Variants in ZMIZ1 observed in about 807,000 individuals in gnomAD.
ZMIZ1 encodes the protein zinc finger MIZ domain-containing protein 1.
Under a neutral mutation model 113.9 loss-of-function variants are expected in ZMIZ1, and 17 were observed. The observed-to-expected ratio is 0.15, with a 90% CI of 0.10 to 0.22. The LOEUF is 0.22. Ranked by LOEUF, ZMIZ1 falls within the 10% of genes least tolerant of loss-of-function variation. ZMIZ1 has a pLI of 1.00. For missense variants in ZMIZ1, 1,059 were observed against 1,477.8 expected, an observed-to-expected ratio of 0.72 and a Z score of 4.65; for synonymous variants, 607 against 603.1, an observed-to-expected ratio of 1.01 and a Z score of -0.09.
rs150582401 is a variant in ZMIZ1, at chr10:79,235,132, G to T, written c.280+18858G>T. 6.5e-3 allele frequency among the ~76,000 whole-genome samples: 991 copies of T among 152,356 alleles called. 10 individuals are homozygous for T. The highest frequency in any genetic ancestry group is 0.023 in the African/African-American group (937 of 41,584). ...TTGGATTTCTCCCAGACATTCCTGT[G>T]CAGCCTGTCAGCTCATGTCCAGAGC... On this transcript the variant is annotated intron_variant, in intron 7 of 24. Coordinates refer to ENST00000334512, the MANE Select transcript of ZMIZ1 (RefSeq NM_020338.4).
At chr10:79,085,604 G>A (rs1460203953) in intron 1 of ZMIZ1, among the ~76,000 whole-genome samples, 5 of 152,244 alleles carry the variant, frequency 3.3e-5, no homozygotes, top group Non-Finnish European at 7.3e-5. Context: ...TGGCCACCAG[G>A]AGGGGAGACA....
intron 5 of ZMIZ1, among the ~76,000 whole-genome samples, chr10:79,207,848 C>T (rs1848384584): frequency 3.9e-5 from 6 of 151,926 alleles, no homozygotes; most frequent in Admixed American, 1.3e-4. Context: ...GCTTTGATGG[C>T]GGTGGCTGGG....
chr10:79,110,761 G>C (rs1242284838), intron 1 of ZMIZ1, among the ~76,000 whole-genome samples: 1 of 152,246 alleles, frequency 6.6e-6, no homozygotes, highest in African/African-American at 2.4e-5. Flanking sequence ...CCTGAGCCAG[G>C]TGAGGACTGA....
At chr10:79,198,176 G>A (rs538594370) in intron 4 of ZMIZ1, among the ~76,000 whole-genome samples, 4 of 152,078 alleles carry the variant, frequency 2.6e-5, no homozygotes, top group South Asian at 2.1e-4. Context: ...GGAGAATGGC[G>A]TGAACCCGGG....
At chr10:79,311,301 T>TGGTGGGGGGGGGGGGG in intron 24 of ZMIZ1, 117 bp downstream of exon 24, 1 of 116,960 alleles carries the variant, frequency 8.5e-6, no homozygotes, top group Non-Finnish European at 1.6e-5. Flanking sequence ...GGGTGGGCGG[T>TGGTGGGGGGGGGGGGG]GGGAGGGCTT....
intron 8 of ZMIZ1, among the ~76,000 whole-genome samples, chr10:79,281,075 C>T (rs1246112704): frequency 6.6e-6 from 1 of 152,186 alleles, no homozygotes; most frequent in Non-Finnish European, 1.5e-5. Flanking sequence ...CCCTGCAGCT[C>T]CCCACTAGGG....
intron 7 of ZMIZ1, among the ~76,000 whole-genome samples, chr10:79,236,157 C>G (rs1849579668): frequency 6.6e-6 from 1 of 152,202 alleles, no homozygotes; most frequent in Admixed American, 6.5e-5. Flanking sequence ...GTATAGTAGC[C>G]CTGCCTGGTC....
chr10:79,266,611 G>T (rs1193546129), intron 7 of ZMIZ1, among the ~76,000 whole-genome samples: 2 of 152,174 alleles, frequency 1.3e-5, no homozygotes, highest in African/African-American at 4.8e-5. Context: ...TGCACTGATG[G>T]TGCGGTGGTC....
intron 6 of ZMIZ1, among the ~76,000 whole-genome samples, chr10:79,215,738 G>T (rs1469667487): frequency 6.6e-6 from 1 of 152,118 alleles, no homozygotes; most frequent in Non-Finnish European, 1.5e-5. Context: ...AGTAGTGGGT[G>T]CAGGAGCTCA....
At chr10:79,302,083 T>C (rs1191601553) in intron 17 of ZMIZ1, 24 bp from the exon 18 acceptor site, 5 of 1,611,242 alleles carry the variant, frequency 3.1e-6, no homozygotes, top group African/African-American at 1.3e-5. Context: ...GCACAGGAAC[T>C]GAGTGTCTCC....
intron 7 of ZMIZ1, among the ~76,000 whole-genome samples, chr10:79,256,552 G>T (rs889736639): frequency 6.6e-6 from 1 of 152,234 alleles, no homozygotes; most frequent in Non-Finnish European, 1.5e-5. Context: ...GCCTGCCGGT[G>T]CCCCTGCAGC....
rs534903160 is a variant in ZMIZ1, at chr10:79,269,067, G to A, written c.281-8114G>A. Among the ~76,000 whole-genome samples the A allele has an allele frequency of 2.0e-4, 30 of 152,176 alleles. 1 individual carries two copies. Among genetic ancestry groups the A allele is most frequent in the South Asian group, 4.1e-4 (2 of 4,824 alleles). On this transcript the variant is annotated intron_variant, in intron 7 of 24. Transcript: ENST00000334512. ...CTAGTGGATGTGGGAGCAGGAACTT[G>A]CGACATGTCAGAGGGGAGAGTGTGA...
chr10:79,222,943 C>G (rs2132741925), intron 7 of ZMIZ1, among the ~76,000 whole-genome samples: 1 of 152,332 alleles, frequency 6.6e-6, no homozygotes, highest in South Asian at 2.1e-4. Context: ...ACCACTGTTT[C>G]AACTTCTGTC....
intron 4 of ZMIZ1, among the ~76,000 whole-genome samples, chr10:79,190,598 G>A (rs1004636642): frequency 6.6e-6 from 1 of 152,150 alleles, no homozygotes; most frequent in African/African-American, 2.4e-5. Context: ...TACTAACAGT[G>A]AAGAGCAGCT....
rs369456711 is a variant in ZMIZ1 at position 79,265,464 on chromosome 10, TTTTC to T, written c.281-11713_281-11710del. 7.5e-5 allele frequency among the ~76,000 whole-genome samples: 10 copies of T among 133,848 alleles called. 2 individuals carry two copies. Among genetic ancestry groups the T allele is most frequent in the East Asian group, 4.6e-4 (2 of 4,358 alleles). 87.8% of individuals were successfully genotyped at this position (133,848 alleles called of 152,430 possible). ...GCCAGCAGACAACTCCTTTTTTTTC[TTTTC>T]TTTTTTTTTTTTTTTTTGGCCTTTC... On this transcript the variant is annotated intron_variant, in intron 7 of 24. Transcript: ENST00000334512.
At chr10:79,288,932 A>C (rs1853277902) in intron 8 of ZMIZ1, among the ~76,000 whole-genome samples, 1 of 151,978 alleles carries the variant, frequency 6.6e-6, no homozygotes, top group Non-Finnish European at 1.5e-5. Flanking sequence ...TGAGGGGAGG[A>C]GGGGAAATAT....
intron 4 of ZMIZ1, among the ~76,000 whole-genome samples, chr10:79,190,925 C>T (rs1195562885): frequency 6.6e-6 from 1 of 152,166 alleles, no homozygotes; most frequent in Admixed American, 6.5e-5. Context: ...AAGCCCTCCC[C>T]TCTCTGGCCT....
chr10:79,287,700 C>G (rs1378753134), intron 8 of ZMIZ1, among the ~76,000 whole-genome samples: 1 of 152,294 alleles, frequency 6.6e-6, no homozygotes, highest in East Asian at 1.9e-4. Flanking sequence ...ATGCTTTTTT[C>G]TCCCCTGCTG....
chr10:79,097,482 T>C (rs1379393439), intron 1 of ZMIZ1, among the ~76,000 whole-genome samples: 2 of 152,218 alleles, frequency 1.3e-5, no homozygotes, highest in Non-Finnish European at 2.9e-5. Context: ...TTTGTTTATT[T>C]ACTTTGGGCC....
Sources: gnomAD v4.1 joint callset for allele counts (sites outside exome capture counted in the v4.1 genomes callset) on GRCh38, gnomAD v4.1.1 for gene constraint, MANE v1.5 for transcripts, NCBI Gene and HGNC (gene_info 2026-07-23, HGNC 2026-07-21) for gene names.